LRRC38: variants seen among roughly 807,000 people sequenced by gnomAD.
The protein encoded by LRRC38 is leucine rich repeat containing 38.
In LRRC38, 5 loss-of-function variants were observed where a neutral mutation model predicts 16.4. The observed-to-expected ratio is 0.31, with a 90% CI of 0.16 to 0.64. LRRC38 has a LOEUF of 0.64. Among genes scored for constraint, LRRC38 ranks in the 30% least tolerant of loss-of-function variants. The pLI is 0.80. For missense variants in LRRC38, 341 were observed against 401.8 expected, an observed-to-expected ratio of 0.85 and a Z score of 1.29; for synonymous variants, 191 against 190.2, an observed-to-expected ratio of 1.00 and a Z score of -0.04.
intron 1 of LRRC38, among the ~76,000 whole-genome samples, chr1:13,479,095 A>G (rs1267256868): frequency 6.6e-6 from 1 of 152,230 alleles, no homozygotes; most frequent in African/African-American, 2.4e-5. Context: ...ATAAAACAGG[A>G]GAGCTTTATC....
At chr1:13,501,604 G>GTT in intron 1 of LRRC38, among the ~76,000 whole-genome samples, 1 of 105,194 alleles carries the variant, frequency 9.5e-6, no homozygotes, top group East Asian at 2.6e-4. Flanking sequence ...TTTTTTGTTT[G>GTT]TTTGTTTGAG....
intron 1 of LRRC38, among the ~76,000 whole-genome samples, chr1:13,510,559 A>G (rs1404055106): frequency 1.3e-5 from 2 of 151,462 alleles, no homozygotes; most frequent in African/African-American, 4.8e-5. Context: ...TCACACAATC[A>G]GTAAGAAGTA....
intron 1 of LRRC38, among the ~76,000 whole-genome samples, chr1:13,500,783 A>G (rs1639138113): frequency 1.3e-5 from 2 of 152,250 alleles, no homozygotes; most frequent in African/African-American, 4.8e-5. Context: ...TTACAGTGTT[A>G]TACTAAAATA....
intron 1 of LRRC38, among the ~76,000 whole-genome samples, chr1:13,486,191 CT>C (rs1638932147): frequency 6.6e-6 from 1 of 152,124 alleles, no homozygotes; most frequent in South Asian, 2.1e-4. Context: ...CATCCTTTGG[CT>C]TATGGCCGCC....
rs188426773 is a variant in LRRC38, at chr1:13,494,710, G to T, written c.631+18253C>A. Among the ~76,000 whole-genome samples the T allele has an allele frequency of 3.9e-5, 6 of 152,310 alleles. No individual in the cohort carries two copies. The East Asian group carries it at 1.2e-3, about 29-fold the overall frequency. On this transcript the variant is annotated intron_variant, in intron 1 of 1. Transcript: ENST00000376085. ...GCAGTGCTGAACCAGGAACTGGGGG[G>T]CTTGGCTCTTGCCTCAGCTTCTCAC... is the stretch of plus-strand genomic sequence containing the variant.
chr1:13,482,968 C>T lies in LRRC38; in HGVS notation c.632-6869G>A, dbSNP rs1038051890. Among the ~76,000 whole-genome samples the T allele has an allele frequency of 4.6e-5, 7 of 152,204 alleles. No individual in the cohort carries two copies. The South Asian group carries it at 8.3e-4, about 18-fold the overall frequency. On this transcript the variant is annotated intron_variant, in intron 1 of 1. Coordinates refer to ENST00000376085, the MANE Select transcript of LRRC38 (RefSeq NM_001010847.2). Reference sequence around the variant, plus strand: ...GCACAGAGAGGGCAAGTGACTTGCCCGGGGCCATGTAGCAGGGAAATGCCA... The same window carrying T: ...GCACAGAGAGGGCAAGTGACTTGCCTGGGGCCATGTAGCAGGGAAATGCCA...
At chr1:13,496,022 T>G (rs529985200) in intron 1 of LRRC38, among the ~76,000 whole-genome samples, 2 of 152,178 alleles carry the variant, frequency 1.3e-5, no homozygotes, top group African/African-American at 4.8e-5. Flanking sequence ...GAAACCCAGG[T>G]AACGGCTTAC....
chr1:13,475,647 TG>T lies in LRRC38; in HGVS notation c.*198del. The T allele has an allele frequency of 1.6e-6, 1 of 634,248 alleles. No individual in the cohort carries two copies. Among genetic ancestry groups the T allele is most frequent in the Non-Finnish European group, 2.6e-6 (1 of 377,684 alleles). 39.3% of individuals were successfully genotyped at this position (634,248 alleles called of 1,614,324 possible). A position where few individuals can be genotyped will look rare whatever the true frequency, so the allele number is the denominator to read the frequency against. The stretch of plus-strand genomic sequence containing the variant: ...CAGGAATAATTCCCTCCATCCTTCC[TG>T]GGCTTCTGTGCTCTGCTGATTCTAA... On this transcript the variant is annotated 3_prime_UTR_variant, in exon 2 of 2. Coordinates refer to ENST00000376085, the MANE Select transcript of LRRC38 (RefSeq NM_001010847.2). The surrounding 1 kb of genome is among the most constrained non-coding windows in gnomAD (Gnocchi z 4.3).
intron 1 of LRRC38, among the ~76,000 whole-genome samples, chr1:13,498,517 G>T (rs573933359): frequency 4.7e-4 from 71 of 152,298 alleles, no homozygotes; most frequent in African/African-American, 1.5e-3. Flanking sequence ...TGTAGTCCCA[G>T]CTACTCAGGA....
intron 1 of LRRC38, among the ~76,000 whole-genome samples, chr1:13,509,208 A>T (rs1639246860): frequency 6.6e-6 from 1 of 152,040 alleles, no homozygotes; most frequent in Non-Finnish European, 1.5e-5. Context: ...TCAAGGTTGT[A>T]GAGCGAGAGA....
intron 1 of LRRC38, among the ~76,000 whole-genome samples, chr1:13,479,669 G>A (rs1291784392): frequency 6.6e-6 from 1 of 152,224 alleles, no homozygotes; most frequent in East Asian, 1.9e-4. Flanking sequence ...GCTTAGTGGG[G>A]CTTTCATGAT....
chr1:13,509,253 G>A (rs1025372981), intron 1 of LRRC38, among the ~76,000 whole-genome samples: 1 of 152,188 alleles, frequency 6.6e-6, no homozygotes, highest in African/African-American at 2.4e-5. Flanking sequence ...GCTGTAAGCT[G>A]TGACCTTCAG....
intron 1 of LRRC38, among the ~76,000 whole-genome samples, chr1:13,480,434 G>A (rs1279081139): frequency 6.6e-6 from 1 of 152,228 alleles, no homozygotes; most frequent in Non-Finnish European, 1.5e-5. Flanking sequence ...CTGCTTTAGA[G>A]TGAAATGCTC....
At chr1:13,501,048 GA>G (rs1464295897) in intron 1 of LRRC38, among the ~76,000 whole-genome samples, 16 of 152,130 alleles carry the variant, frequency 1.1e-4, no homozygotes, top group Admixed American at 8.5e-4. Flanking sequence ...AACACAGAAT[GA>G]ACCCTCATGT....
At chr1:13,512,143 C>T (rs1268080283) in intron 1 of LRRC38, among the ~76,000 whole-genome samples, 2 of 152,156 alleles carry the variant, frequency 1.3e-5, no homozygotes, top group African/African-American at 4.8e-5. Flanking sequence ...GGGGGAAGGA[C>T]ACCCACCTGC....
At position 13,498,298 on chromosome 1, in the gene LRRC38, G is replaced by A. The variant is rs1017124273; in HGVS notation, c.631+14665C>T. 5.9e-5 allele frequency among the ~76,000 whole-genome samples: 9 copies of A among 151,816 alleles called. No individual in the cohort carries two copies. The South Asian group carries it at 6.2e-4, about 11-fold the overall frequency. ...TGTTTTAGCGCTTATTTCCCCACAC[G>A]CAAACCAAGGAAAGCAATGTATTTG... On this transcript the variant is annotated intron_variant, in intron 1 of 1. Transcript: ENST00000376085.
intron 1 of LRRC38, among the ~76,000 whole-genome samples, chr1:13,489,005 A>C (rs997657927): frequency 6.6e-6 from 1 of 152,186 alleles, no homozygotes; most frequent in African/African-American, 2.4e-5. Context: ...CTAGGAGAGA[A>C]AACTGGAAAC....
chr1:13,508,891 G>A (rs1569940222), intron 1 of LRRC38, among the ~76,000 whole-genome samples: 1 of 152,296 alleles, frequency 6.6e-6, no homozygotes, highest in South Asian at 2.1e-4. Flanking sequence ...TGGAGCTTCG[G>A]GGAAATGGGG....
intron 1 of LRRC38, among the ~76,000 whole-genome samples, chr1:13,482,245 T>A (rs544359117): frequency 6.6e-6 from 1 of 151,720 alleles, no homozygotes; most frequent in African/African-American, 2.4e-5. Flanking sequence ...AGGAGAGGCA[T>A]AGGGACACAG....
Sources: gnomAD v4.1 joint callset for allele counts (sites outside exome capture counted in the v4.1 genomes callset) on GRCh38, gnomAD v4.1.1 for gene constraint, Gnocchi (gnomAD v3.1) non-coding constraint, MANE v1.5 for transcripts, NCBI Gene and HGNC (gene_info 2026-07-23, HGNC 2026-07-21) for gene names.